The following DDX24 variants were observed in gnomAD, a reference collection of about 807,000 sequenced individuals.
DDX24 encodes ATP-dependent RNA helicase DDX24.
DDX24 carries 24 observed loss-of-function variants against 68.9 expected under a neutral mutation model. That is an observed-to-expected ratio of 0.35 (90% CI 0.25 to 0.49). The LOEUF (loss-of-function observed/expected upper bound fraction) is 0.49, where lower values mean the gene tolerates loss of function less well. Ranked by LOEUF, DDX24 falls within the 20% of genes least tolerant of loss-of-function variation. DDX24 has a pLI of 0.99. For synonymous variants in DDX24, 395 were observed against 385.2 expected, an observed-to-expected ratio of 1.03 and a Z score of -0.30; for missense variants, 989 against 1,039.0, an observed-to-expected ratio of 0.95 and a Z score of 0.66.
rs1885376564 is a variant in DDX24 at position 94,051,027 on chromosome 14, A to G, written c.*164T>C. On this transcript the variant is annotated 3_prime_UTR_variant, in exon 9 of 9. Transcript: ENST00000621632. ...TGCTGCATTGAATTCTTACTCCAAA[A>G]CAATGCAAATCTGCATGAGGTCTCT... is the stretch of plus-strand genomic sequence containing the variant. The G allele has an allele frequency of 6.9e-6, 5 of 725,196 alleles. No homozygotes were observed. In the Admixed American group the frequency reaches 1.8e-4, roughly 26 times the overall value. 44.9% of individuals were successfully genotyped at this position (725,196 alleles called of 1,614,324 possible).
At position 94,054,980 on chromosome 14, in the gene DDX24, T is replaced by C; in HGVS notation, c.2178+16A>G. 1 of 1,612,396 alleles carries C rather than the reference T, an allele frequency of 6.2e-7. No individual in the cohort carries two copies. Among genetic ancestry groups the C allele is most frequent in the East Asian group, 2.2e-5 (1 of 44,858 alleles). On this transcript the variant is annotated intron_variant, in intron 7 of 8. Coordinates refer to ENST00000621632, the MANE Select transcript of DDX24 (RefSeq NM_020414.4). ...ACAATCCCTTCATTAGCACTGGGGT[T>C]TTAACTGCTTTCTACCTTGACCACA...
At chr14:94,074,009 C>A (rs1236799060) in intron 2 of DDX24, among the ~76,000 whole-genome samples, 2 of 149,540 alleles carry the variant, frequency 1.3e-5, no homozygotes, top group Non-Finnish European at 3.0e-5. Flanking sequence ...CACCACTGCA[C>A]TCCAGCCTGG....
Position 94,075,641 on chromosome 14 carries a change from TAA to T in DDX24, c.718+3382_718+3383del, listed in dbSNP as rs532373878. 2.2e-3 allele frequency among the ~76,000 whole-genome samples: 336 copies of T among 152,306 alleles called. 2 individuals carry two copies. Among genetic ancestry groups the T allele is most frequent in the Middle Eastern group, 0.017 (5 of 294 alleles). On this transcript the variant is annotated intron_variant, in intron 2 of 8. Coordinates refer to ENST00000621632, the MANE Select transcript of DDX24 (RefSeq NM_020414.4). ...CAACGGCACCAAAAGCATAAATTCA[TAA>T]AAGACAAGGCTAATTTGGATTTCAT...
Position 94,064,879 on chromosome 14 carries a change from C to G in DDX24, c.719-2258G>C, listed in dbSNP as rs1352136925. ...TGATTAGCATCATTAATGGGGGCAA[C>G]CTTGTGGGACTGAGCCCTTAACCTG... On this transcript the variant is annotated intron_variant, in intron 2 of 8. Coordinates refer to ENST00000621632, the MANE Select transcript of DDX24 (RefSeq NM_020414.4). 2.6e-5 allele frequency among the ~76,000 whole-genome samples: 4 copies of G among 152,264 alleles called. No homozygotes were observed. The East Asian group carries it at 7.7e-4, about 29-fold the overall frequency.
Position 94,051,191 on chromosome 14 carries a change from T to A in DDX24, c.2580A>T (p.Ter860TyrextTer58). 6.9e-7 allele frequency: 1 copy of A among 1,447,012 alleles called. No individual in the cohort carries two copies. The highest frequency in any genetic ancestry group is 9.1e-7 in the Non-Finnish European group (1 of 1,098,554). 89.6% of individuals were successfully genotyped at this position (1,447,012 alleles called of 1,614,324 possible). A position where few individuals can be genotyped will look rare whatever the true frequency, so the allele number is the denominator to read the frequency against. The change falls in exon 9 of 9, where the codon TAA becomes TAT. Residue 860 changes from the stop codon to tyrosine, a stop_lost. Coordinates refer to ENST00000621632, the MANE Select transcript of DDX24 (RefSeq NM_020414.4). ...TGCAGTCACTGACACACTTGACCAG[T>A]TAATTTGCACTTGTACTTGGCTGTG... ...EQPQPSTSAN[*>Y] is the part of the protein sequence containing the mutation.
chr14:94,075,934 A>T (rs886445992), intron 2 of DDX24, among the ~76,000 whole-genome samples: 4 of 152,230 alleles, frequency 2.6e-5, no homozygotes, highest in Admixed American at 2.6e-4. Flanking sequence ...AATAATAGTA[A>T]AATTTTAAAA....
rs1213540406 is a variant in DDX24, at chr14:94,061,047, C to T, written c.1263G>A (p.Leu421=). ...ARFTGIKTAI[L]VGGMSTQKQQ... is the part of the protein sequence containing the mutation. ...GTTTCTGCGTGGACATTCCACCAAC[C>T]AAAATAGCAGTTTTAATTCCTATGG... is the stretch of plus-strand genomic sequence containing the variant. Residue 421 remains leucine (L), a synonymous_variant, in exon 4 of 9, where the codon TTG becomes TTA. Coordinates refer to ENST00000621632, the MANE Select transcript of DDX24 (RefSeq NM_020414.4). 7 of 1,614,146 alleles carry T rather than the reference C, an allele frequency of 4.3e-6. No individual in the cohort carries two copies. Among genetic ancestry groups the T allele is most frequent in the Non-Finnish European group, 5.9e-6 (7 of 1,180,028 alleles).
intron 4 of DDX24, 124 bp from the exon 5 acceptor site, chr14:94,060,737 A>G (rs1885579652): frequency 1.4e-6 from 2 of 1,460,684 alleles, no homozygotes; most frequent in African/African-American, 1.4e-5. Flanking sequence ...TACCACCACC[A>G]CCATCAGGCC....
chr14:94,065,396 C>T (rs186136957), intron 2 of DDX24, among the ~76,000 whole-genome samples: 3 of 152,066 alleles, frequency 2.0e-5, no homozygotes, highest in African/African-American at 7.2e-5. Flanking sequence ...CACACACACA[C>T]ACACACACAA....
intron 2 of DDX24, among the ~76,000 whole-genome samples, chr14:94,077,870 T>TAAA (rs34265498): frequency 6.9e-6 from 1 of 145,040 alleles, no homozygotes; most frequent in Non-Finnish European, 1.5e-5. Flanking sequence ...GAAAATTTAG[T>TAAA]AAAAAAAAAA....
chr14:94,075,655 A>G (rs2141436208), intron 2 of DDX24, among the ~76,000 whole-genome samples: 1 of 152,346 alleles, frequency 6.6e-6, no homozygotes, highest in East Asian at 1.9e-4. Context: ...AGACAAGGCT[A>G]ATTTGGATTT....
intron 5 of DDX24, among the ~76,000 whole-genome samples, chr14:94,058,432 C>G (rs1411832328): frequency 6.6e-6 from 1 of 152,198 alleles, no homozygotes; most frequent in African/African-American, 2.4e-5. Context: ...TACCCAATCT[C>G]TTTTCTCCAA....
chr14:94,065,241 A>G (rs1223918180), intron 2 of DDX24, among the ~76,000 whole-genome samples: 1 of 151,346 alleles, frequency 6.6e-6, no homozygotes, highest in Non-Finnish European at 1.5e-5. Context: ...TTTAGTAGAG[A>G]TGCAGTTTCA....
chr14:94,055,234 G>A (rs1885470957), intron 6 of DDX24, 50 bp from the exon 7 acceptor site: 1 of 1,576,500 alleles, frequency 6.3e-7, no homozygotes, highest in South Asian at 1.2e-5. Context: ...GCCAAACACT[G>A]GTCCTCTCCT....
chr14:94,079,851 T>C, intron 1 of DDX24, 104 bp from the exon 2 acceptor site: 2 of 1,029,410 alleles, frequency 1.9e-6, no homozygotes, highest in Non-Finnish European at 2.9e-6. Flanking sequence ...GAACTGAGGA[T>C]ACAAAGATGG....
At chr14:94,080,518 ATC>A (rs546329375) in intron 1 of DDX24, among the ~76,000 whole-genome samples, 9 of 152,058 alleles carry the variant, frequency 5.9e-5, no homozygotes, top group Non-Finnish European at 1.3e-4. Context: ...GGACGTATTA[ATC>A]TCTGAGTCTC....
At position 94,079,460 on chromosome 14, in the gene DDX24, G is replaced by A; in HGVS notation, c.283C>T (p.Pro95Ser). 6.2e-7 allele frequency: 1 copy of A among 1,613,758 alleles called. No individual in the cohort carries two copies. The highest frequency in any genetic ancestry group is 1.6e-4 in the Middle Eastern group (1 of 6,062). The change falls in exon 2 of 9, where the codon CCA becomes TCA. Residue 95 changes from proline to serine, a missense_variant. Around this residue, in one of 3 missense-constraint regions of DDX24, gnomAD observed 295 missense variants for 263.0 expected, o/e 1.12. Coordinates refer to ENST00000621632, the MANE Select transcript of DDX24 (RefSeq NM_020414.4). ...TTCTTCAACTTGATCTTTTTCTTTG[G>A]TGAGCTAGACTTTCCCTCCTCCTCC... ...EEEEEGKSSS[P>S]KKKIKLKKSK... is the part of the protein sequence containing the mutation.
rs749639881 is a variant in DDX24 at position 94,060,604 on chromosome 14, T to C, written c.1407A>G (p.Val469=). The change falls in exon 5 of 9, where the codon GTA becomes GTG. Residue 469 remains valine, a synonymous_variant. Transcript: ENST00000621632. ...LRNLRQLRCL[V]VDEADRMVEK... ...CAACCATCCGGTCAGCCTCATCCACTACCAGGCACCTGCAGATCCAGAGAG... is the reference window on the plus strand; with the variant it reads ...CAACCATCCGGTCAGCCTCATCCACCACCAGGCACCTGCAGATCCAGAGAG... 1.1e-5 allele frequency: 18 copies of C among 1,612,872 alleles called. No individual in the cohort carries two copies. In the East Asian group the frequency reaches 1.3e-4, roughly 12 times the overall value.
Position 94,055,036 on chromosome 14 carries a change from G to A in DDX24, c.2138C>T (p.Pro713Leu), listed in dbSNP as rs1885464963. ...GTATTTTGTCTGCACGGGGAACAGT[G>A]GGATATCCTCATCTTTCTTGAGCGT... is the stretch of plus-strand genomic sequence containing the variant. Reference protein sequence around the residue: ...YKTLKKDEDIPLFPVQTKYMD... With the variant: ...YKTLKKDEDILLFPVQTKYMD... The change falls in exon 7 of 9, where the codon CCA becomes CTA. Residue 713 changes from proline (P) to leucine (L), a missense_variant. Pro to Leu is a moderately conservative substitution (Grantham distance 98). Coordinates refer to ENST00000621632, the MANE Select transcript of DDX24 (RefSeq NM_020414.4). 3 of 1,614,170 alleles carry A rather than the reference G, an allele frequency of 1.9e-6. No homozygotes were observed. Among genetic ancestry groups the A allele is most frequent in the Non-Finnish European group, 2.5e-6 (3 of 1,180,024 alleles).
Sources: gnomAD v4.1 joint callset for allele counts (sites outside exome capture counted in the v4.1 genomes callset) on GRCh38, gnomAD v4.1.1 for gene constraint, gnomAD v4.1.1 regional missense constraint, MANE v1.5 for transcripts, NCBI Gene and HGNC (gene_info 2026-07-23, HGNC 2026-07-21) for gene names.